The following NCALD variants were observed in gnomAD, a reference collection of about 807,000 sequenced individuals.
NCALD encodes neurocalcin-delta.
NCALD carries 10 observed loss-of-function variants against 18.6 expected under a neutral mutation model. The ratio of observed to expected loss-of-function variants is 0.54; its 90% confidence interval spans 0.33 to 0.91. The LOEUF is 0.91. NCALD is among the 40% of genes least tolerant of loss of function. The probability of loss-of-function intolerance (pLI) is 0.03; values close to 1 mark genes in which losing one functional copy is unlikely to be tolerated. For missense variants in NCALD, 184 were observed against 247.6 expected (o/e 0.74, Z 1.72); for synonymous variants, 88 against 87.4 (o/e 1.01, Z -0.04).
chr8:102,038,136 G>A (rs1425203605), intron 1 of NCALD, among the ~76,000 whole-genome samples: 4 of 152,046 alleles, frequency 2.6e-5, no homozygotes, highest in Non-Finnish European at 4.4e-5. Context: ...ATTTCCTGAC[G>A]GCCTTTGCCT....
intron 2 of NCALD, among the ~76,000 whole-genome samples, chr8:101,988,175 AAAAAGAAAAG>A (rs1186393896): frequency 2.0e-5 from 3 of 149,624 alleles, no homozygotes; most frequent in Non-Finnish European, 4.4e-5. Flanking sequence ...AAAGAAAAAA[AAAAAGAAAAG>A]AAAAGAAAAA....
chr8:101,895,776 A>G (rs1307361363), intron 3 of NCALD, among the ~76,000 whole-genome samples: 2 of 147,018 alleles, frequency 1.4e-5, no homozygotes, highest in East Asian at 1.9e-4. Context: ...TGCTTCAAAG[A>G]GAACAAAATA....
intron 4 of NCALD, among the ~76,000 whole-genome samples, chr8:101,830,929 C>A (rs1814157544): frequency 6.6e-6 from 1 of 151,836 alleles, no homozygotes; most frequent in Non-Finnish European, 1.5e-5. Context: ...ATGTCACATG[C>A]TGAGTGAAGG....
At chr8:101,751,404 T>G (rs553093711) in intron 1 of NCALD, among the ~76,000 whole-genome samples, 3 of 152,230 alleles carry the variant, frequency 2.0e-5, no homozygotes, top group African/African-American at 7.2e-5. Flanking sequence ...CTCTATGGAA[T>G]GAAAAAAGTT....
intron 1 of NCALD, among the ~76,000 whole-genome samples, chr8:102,074,312 G>A (rs1372685981): frequency 6.6e-6 from 1 of 152,180 alleles, no homozygotes; most frequent in East Asian, 1.9e-4. Context: ...AAGGCAGAGG[G>A]TTGGTTAAGC....
In NCALD at chr8:101,771,235, C is replaced by T. The variant is rs372018771; in HGVS notation, c.-20+19627G>A. 2.6e-5 allele frequency among the ~76,000 whole-genome samples: 4 copies of T among 152,216 alleles called. No homozygotes were observed. The East Asian group carries it at 5.8e-4, about 22-fold the overall frequency. On this transcript the variant is annotated intron_variant, in intron 1 of 3. Coordinates refer to ENST00000220931, the MANE Select transcript of NCALD (RefSeq NM_032041.3). ...TGTCTGACATGACCCTCTGCAGAGC[C>T]TTGGCAGGGACCACTCCAGCTAGCA...
intron 4 of NCALD, among the ~76,000 whole-genome samples, chr8:101,878,796 A>C (rs918604337): frequency 1.6e-4 from 24 of 152,226 alleles, no homozygotes; most frequent in African/African-American, 5.8e-4. Context: ...AGTGATCAAG[A>C]TCTAATCCAA....
At chr8:101,825,813 C>T (rs1248702737) in intron 4 of NCALD, among the ~76,000 whole-genome samples, 2 of 152,148 alleles carry the variant, frequency 1.3e-5, no homozygotes, top group African/African-American at 4.8e-5. Flanking sequence ...TCAACTCTGC[C>T]ACTGTAGCAC....
At chr8:101,700,188 G>T (rs988168387) in intron 2 of NCALD, among the ~76,000 whole-genome samples, 1 of 151,962 alleles carries the variant, frequency 6.6e-6, no homozygotes, top group African/African-American at 2.4e-5. Context: ...AGCCTCCTGA[G>T]TTGCTGGGAC....
At chr8:101,800,301 T>A (rs2131071499) in intron 4 of NCALD, among the ~76,000 whole-genome samples, 1 of 152,264 alleles carries the variant, frequency 6.6e-6, no homozygotes, top group Non-Finnish European at 1.5e-5. Context: ...ACTCTTGCAT[T>A]CTTGTATAAG....
At chr8:102,054,660 C>CAATAGATAGATAGATAGATA (rs59558185) in intron 1 of NCALD, among the ~76,000 whole-genome samples, 4 of 142,294 alleles carry the variant, frequency 2.8e-5, no homozygotes, top group Admixed American at 7.1e-5. Flanking sequence ...CTTTCTCTTC[C>CAATAGATAGATAGATAGATA]GATAGATAGA....
intron 4 of NCALD, among the ~76,000 whole-genome samples, chr8:101,870,906 C>A (rs1419582491): frequency 2.2e-5 from 2 of 91,022 alleles, no homozygotes; most frequent in East Asian, 4.5e-4. Flanking sequence ...CACCCCCCCC[C>A]CCCAAAAAAA....
rs560828391 is a variant in NCALD, at chr8:101,771,068, G to T, written c.-20+19794C>A. The stretch of plus-strand genomic sequence containing the variant: ...TCCAATTCCCCACCCCTATATCAAA[G>T]TTACTTTCTTTTCTTTCTACCTACC... On this transcript the variant is annotated intron_variant, in intron 1 of 3. Transcript: ENST00000220931. 1.2e-4 allele frequency among the ~76,000 whole-genome samples: 19 copies of T among 152,148 alleles called. No homozygotes were observed. In the South Asian group the frequency reaches 3.5e-3, roughly 28 times the overall value.
intron 2 of NCALD, among the ~76,000 whole-genome samples, chr8:101,698,879 TTATGA>T (rs1007145313): frequency 2.6e-5 from 4 of 152,052 alleles, no homozygotes; most frequent in African/African-American, 9.7e-5. Context: ...GGCAAAGACT[TTATGA>T]TGAAAACGCC....
At chr8:101,929,277 GA>G (rs1818455222) in intron 2 of NCALD, among the ~76,000 whole-genome samples, 2 of 43,138 alleles carry the variant, frequency 4.6e-5, no homozygotes, top group Non-Finnish European at 9.6e-5. Context: ...GGGATGGAGG[GA>G]GGGAGGGAGG....
chr8:101,996,826 G>A (rs1821256049), intron 2 of NCALD, among the ~76,000 whole-genome samples: 1 of 152,250 alleles, frequency 6.6e-6, no homozygotes, highest in East Asian at 1.9e-4. Flanking sequence ...TCCTGACACA[G>A]ACAAGAATAG....
intron 2 of NCALD, among the ~76,000 whole-genome samples, chr8:102,013,435 C>T (rs1225178178): frequency 6.6e-6 from 1 of 152,166 alleles, no homozygotes; most frequent in Non-Finnish European, 1.5e-5. Flanking sequence ...CATAGCAAGC[C>T]CAGCCCCAAT....
chr8:101,717,055 C>A (rs966669330), intron 2 of NCALD, among the ~76,000 whole-genome samples: 1 of 152,168 alleles, frequency 6.6e-6, no homozygotes, highest in Non-Finnish European at 1.5e-5. Context: ...ACCTCAAGAA[C>A]AATAGGATAA....
At chr8:101,909,842 T>G (rs1183972802) in intron 3 of NCALD, among the ~76,000 whole-genome samples, 9 of 152,174 alleles carry the variant, frequency 5.9e-5, no homozygotes, top group Admixed American at 2.0e-4. Flanking sequence ...GAACAGAGAT[T>G]GACATTTCCG....
Sources: allele counts gnomAD v4.1 joint callset (sites outside exome capture counted in the v4.1 genomes callset), GRCh38; gene constraint gnomAD v4.1.1; transcripts MANE v1.5; gene names NCBI Gene and HGNC (gene_info 2026-07-23, HGNC 2026-07-21).